TOP2B: variants seen among roughly 807,000 people sequenced by gnomAD.
The protein encoded by TOP2B is DNA topoisomerase 2-beta.
Under a neutral mutation model 193.5 loss-of-function variants are expected in TOP2B, and 51 were observed. That is an observed-to-expected ratio of 0.26 (90% confidence interval 0.21 to 0.33). The LOEUF is 0.33. Among genes scored for constraint, TOP2B ranks in the 10% least tolerant of loss-of-function variants. The pLI is 1.00. For missense variants in TOP2B, 1,378 were observed against 1,909.3 expected (o/e 0.72, Z 5.19); for synonymous variants, 634 against 635.7 (o/e 1.00, Z 0.04).
intron 1 of TOP2B, among the ~76,000 whole-genome samples, chr3:25,650,715 T>C (rs945578348): frequency 8.5e-5 from 13 of 152,236 alleles, no homozygotes; most frequent in Admixed American, 2.6e-4. Flanking sequence ...TGAACATGAT[T>C]AATCTTTTCC....
At chr3:25,638,006 G>T (rs1446155375) in intron 5 of TOP2B, among the ~76,000 whole-genome samples, 159 bp downstream of exon 5, 2 of 151,790 alleles carry the variant, frequency 1.3e-5, no homozygotes. Context: ...AAATGTCACT[G>T]TTAAACTATT....
rs889756753 is a variant in TOP2B, at chr3:25,623,463, G to A, written c.2727+52C>T. 9.4e-6 allele frequency: 14 copies of A among 1,493,116 alleles called. No homozygotes were observed. In the African/African-American group the frequency reaches 1.8e-4, roughly 19 times the overall value. 92.5% of individuals were successfully genotyped at this position (1,493,116 alleles called of 1,614,324 possible). ...TACTTTTCTAAAATGACGGGAATTTGTAGTTTACACATTATCATTTGTTAA... is the reference window on the plus strand; with the variant it reads ...TACTTTTCTAAAATGACGGGAATTTATAGTTTACACATTATCATTTGTTAA... On this transcript the variant is annotated intron_variant, in intron 21 of 35. Coordinates refer to ENST00000264331, the MANE Select transcript of TOP2B (RefSeq NM_001330700.2).
At chr3:25,663,258 TA>T (rs1387114742) in intron 1 of TOP2B, among the ~76,000 whole-genome samples, 1 of 151,986 alleles carries the variant, frequency 6.6e-6, no homozygotes, top group East Asian at 1.9e-4. Flanking sequence ...ACGAACTAAG[TA>T]ACAAAAATGC....
chr3:25,598,878 G>GTT (rs1281071834), intron 35 of TOP2B, among the ~76,000 whole-genome samples: 1 of 152,248 alleles, frequency 6.6e-6, no homozygotes, highest in East Asian at 1.9e-4. Flanking sequence ...CACTGTAAGT[G>GTT]TTTAAAAAAA....
chr3:25,612,791 A>G (rs1387545788), intron 27 of TOP2B, 82 bp from the exon 28 acceptor site: 1 of 1,019,826 alleles, frequency 9.8e-7, no homozygotes, highest in Non-Finnish European at 1.5e-6. Flanking sequence ...ACTGAAACAA[A>G]TGTTATTCAC....
intron 25 of TOP2B, among the ~76,000 whole-genome samples, chr3:25,617,235 A>G (rs1422247942): frequency 2.0e-5 from 3 of 152,134 alleles, no homozygotes; most frequent in African/African-American, 2.4e-5. Context: ...AAAAAAAAAC[A>G]TATAGTTTAA....
At chr3:25,604,922 A>T in intron 32 of TOP2B, 52 bp from the exon 33 acceptor site, 1 of 1,367,478 alleles carries the variant, frequency 7.3e-7, no homozygotes, top group Non-Finnish European at 1.0e-6. Context: ...AAGATCTCTC[A>T]GTAAACTTTG....
rs1056466015 is a variant in TOP2B, at chr3:25,643,611, C to A, written c.331+83G>T. ...CAGAGATACACCTTTCAAATTTATA[C>A]TGGTTAAGTCTGGCTTTATATATAA... On this transcript the variant is annotated intron_variant, in intron 3 of 35. Transcript: ENST00000264331. The A allele has an allele frequency of 5.1e-6, 5 of 986,204 alleles. No individual in the cohort carries two copies. In the African/African-American group the frequency reaches 6.5e-5, roughly 13 times the overall value. 61.1% of individuals were successfully genotyped at this position (986,204 alleles called of 1,614,324 possible).
intron 7 of TOP2B, among the ~76,000 whole-genome samples, chr3:25,635,352 C>A (rs922956260): frequency 6.6e-6 from 1 of 151,934 alleles, no homozygotes; most frequent in African/African-American, 2.4e-5. Flanking sequence ...AAGAAAAAAA[C>A]AATCTGAAAA....
At chr3:25,601,558 A>G (rs1341999258) in intron 33 of TOP2B, among the ~76,000 whole-genome samples, 7 of 152,146 alleles carry the variant, frequency 4.6e-5, no homozygotes, top group Non-Finnish European at 1.0e-4. Context: ...GGTCGCAGTG[A>G]GCTGAGATTG....
At chr3:25,624,015 T>A (rs1216774884) in intron 20 of TOP2B, among the ~76,000 whole-genome samples, 1 of 152,206 alleles carries the variant, frequency 6.6e-6, no homozygotes, top group Non-Finnish European at 1.5e-5. Context: ...TTTAAAGAAT[T>A]TCCTATTACT....
In TOP2B at chr3:25,607,268, G is replaced by A. The variant is rs566991124; in HGVS notation, c.4201C>T (p.Pro1401Ser). The A allele has an allele frequency of 5.3e-5, 84 of 1,584,718 alleles. 1 individual carries two copies. In the South Asian group the frequency reaches 8.8e-4, roughly 17 times the overall value. ...DLEELKVKAS[P>S]ITNDGEDEFV... is the part of the protein sequence containing the mutation. ...TCATCTTCCCCATCATTTGTTATGGGAGATGCTTTAACTTTCAATTCCTCT... is the reference window on the plus strand; with the variant it reads ...TCATCTTCCCCATCATTTGTTATGGAAGATGCTTTAACTTTCAATTCCTCT... Residue 1401 changes from proline to serine, a missense_variant, in exon 31 of 36, where the codon CCC becomes TCC. Coordinates refer to ENST00000264331, the MANE Select transcript of TOP2B (RefSeq NM_001330700.2).
chr3:25,657,334 T>C (rs906973348), intron 1 of TOP2B, among the ~76,000 whole-genome samples: 1 of 152,194 alleles, frequency 6.6e-6, no homozygotes, highest in Non-Finnish European at 1.5e-5. Context: ...CAGGTATGCA[T>C]ATTTAATACA....
In TOP2B at chr3:25,632,710, A is replaced by G. The variant is rs1323396185; in HGVS notation, c.1111T>C (p.Ser371Pro). The G allele has an allele frequency of 6.2e-7, 1 of 1,613,074 alleles. No individual in the cohort carries two copies. Among genetic ancestry groups the G allele is most frequent in the African/African-American group, 1.3e-5 (1 of 74,980 alleles). The change falls in exon 9 of 36, where the codon TCA becomes CCA. Residue 371 changes from serine (S) to proline (P), a missense_variant. By Grantham distance (74) the Ser-to-Pro change is moderately conservative. Transcript: ENST00000264331. ...TCCCTTACTTGAAATGGTTTCACTG[A>G]TACACCAGCTTTGTTCTTTTTCTTA... is the stretch of plus-strand genomic sequence containing the variant. ...VVKKKNKAGVSVKPFQVKNHI... is the reference protein window; with the variant it reads ...VVKKKNKAGVPVKPFQVKNHI...
intron 6 of TOP2B, among the ~76,000 whole-genome samples, chr3:25,636,521 A>G (rs938575334): frequency 1.3e-5 from 2 of 152,080 alleles, no homozygotes; most frequent in African/African-American, 4.8e-5. Flanking sequence ...ATACTACCCC[A>G]TTTTATATAA....
At chr3:25,635,431 T>C (rs1433814471) in intron 7 of TOP2B, among the ~76,000 whole-genome samples, 2 of 152,164 alleles carry the variant, frequency 1.3e-5, no homozygotes, top group African/African-American at 4.8e-5. Context: ...ATAAAGTATT[T>C]TAAATAACTA....
chr3:25,615,268 A>C lies in TOP2B; in HGVS notation c.3528T>G (p.Leu1176=), dbSNP rs1422019209. The change falls in exon 27 of 36, where the codon CTT becomes CTG. Residue 1176 remains leucine, a synonymous_variant. Coordinates refer to ENST00000264331, the MANE Select transcript of TOP2B (RefSeq NM_001330700.2). ...AAAGATCTGAAGGAGATTTTCTTTT[A>C]AGATCATTGACCTCTCGCCCCTATA... ...RDAKGREVND[L]KRKSPSDLWK... 6.2e-7 allele frequency: 1 copy of C among 1,612,474 alleles called. No homozygotes were observed. Among genetic ancestry groups the C allele is most frequent in the African/African-American group, 1.3e-5 (1 of 75,014 alleles).
rs149168792 is a variant in TOP2B, at chr3:25,664,859, G to A, written c.-562C>T. ...AGGGACAATAAACAGAGCCGCCGCCGCCGCCGCCACGGTCACCTCCCTCTT... is the reference window on the plus strand; with the variant it reads ...AGGGACAATAAACAGAGCCGCCGCCACCGCCGCCACGGTCACCTCCCTCTT... On this transcript the variant is annotated 5_prime_UTR_variant, in exon 1 of 36. Coordinates refer to ENST00000264331, the MANE Select transcript of TOP2B (RefSeq NM_001330700.2). 935 of 990,018 alleles carry A rather than the reference G, an allele frequency of 9.4e-4. 10 individuals are homozygous for A. The African/African-American group carries it at 0.015, about 16-fold the overall frequency. The allele number at this position is 990,018 out of a possible 1,614,324, so 61.3% of individuals were successfully genotyped here.
intron 28 of TOP2B, among the ~76,000 whole-genome samples, 173 bp from the exon 29 acceptor site, chr3:25,609,885 T>C (rs768711350): frequency 2.0e-5 from 3 of 152,198 alleles, no homozygotes; most frequent in African/African-American, 4.8e-5. Flanking sequence ...CACTTATCTA[T>C]AGTAAATAAT....
Sources: gnomAD v4.1 joint callset for allele counts (sites outside exome capture counted in the v4.1 genomes callset) on GRCh38, gnomAD v4.1.1 for gene constraint, MANE v1.5 for transcripts, NCBI Gene and HGNC (gene_info 2026-07-23, HGNC 2026-07-21) for gene names.